KLHL5: variants seen among roughly 807,000 people sequenced by gnomAD.
The protein encoded by KLHL5 is kelch-like protein 5.
A neutral mutation model predicts 77.7 loss-of-function variants in KLHL5; 48 were observed. The observed-to-expected ratio is 0.62, with a 90% CI of 0.49 to 0.79. The LOEUF is 0.79. Ranked by LOEUF, KLHL5 falls within the 30% of genes least tolerant of loss-of-function variation. KLHL5 has a pLI of 0.00. For missense variants in KLHL5, 723 were observed against 859.7 expected, an observed-to-expected ratio of 0.84 and a Z score of 1.99; for synonymous variants, 260 against 297.0, an observed-to-expected ratio of 0.88 and a Z score of 1.28.
intron 4 of KLHL5, among the ~76,000 whole-genome samples, chr4:39,083,703 A>C (rs1719816748): frequency 1.3e-5 from 2 of 152,148 alleles, no homozygotes; most frequent in Non-Finnish European, 2.9e-5. Context: ...TTTTTTCTTC[A>C]AAATCAGTTT....
chr4:39,067,697 A>G (rs1327088903), intron 1 of KLHL5, among the ~76,000 whole-genome samples: 4 of 146,516 alleles, frequency 2.7e-5, no homozygotes, highest in Admixed American at 6.9e-5. Context: ...TTTTAGTGAG[A>G]CAAAGTCTCA....
downstream of KLHL5, among the ~76,000 whole-genome samples, chr4:39,130,055 C>T (rs900863305): frequency 5.8e-4 from 88 of 152,242 alleles, no homozygotes; most frequent in Non-Finnish European, 1.1e-3. Context: ...GAGACTAGCT[C>T]GGTCGGGGAG....
the KLHL5 span, among the ~76,000 whole-genome samples, chr4:39,136,350 C>T: frequency 7.2e-5 from 11 of 152,054 alleles, no homozygotes; most frequent in South Asian, 6.2e-4. Context: ...AGTAGAGACG[C>T]GGTTTCACCA....
chr4:39,135,462 G>T, the KLHL5 span: 117,483 of 152,206 alleles, frequency 0.77, 45,350 homozygotes, highest in East Asian at 0.83. Context: ...CCGCAGCAGA[G>T]TGCCTCTCCC....
chr4:39,093,330 G>C, intron 5 of KLHL5: 1 of 450,330 alleles, frequency 2.2e-6, no homozygotes, highest in Non-Finnish European at 4.5e-6. Context: ...ATTAGTGCTT[G>C]GGAGAGAAGA....
chr4:39,054,163 C>T (rs183260734), intron 1 of KLHL5, among the ~76,000 whole-genome samples: 107 of 152,326 alleles, frequency 7.0e-4, no homozygotes, highest in African/African-American at 2.5e-3. Flanking sequence ...TTGTCCAAGT[C>T]AACTATACTC....
chr4:39,112,140 A>G (rs1722491471), intron 8 of KLHL5, among the ~76,000 whole-genome samples: 1 of 152,184 alleles, frequency 6.6e-6, no homozygotes, highest in Non-Finnish European at 1.5e-5. Flanking sequence ...GCTTAACAAG[A>G]AATATTGTGT....
intron 7 of KLHL5, among the ~76,000 whole-genome samples, chr4:39,105,569 A>C (rs1577726743): frequency 6.6e-6 from 1 of 151,690 alleles, no homozygotes; most frequent in Non-Finnish European, 1.5e-5. Context: ...AGAGATATAC[A>C]TATATCATAA....
At chr4:39,074,166 A>G (rs1320345553) in intron 1 of KLHL5, among the ~76,000 whole-genome samples, 1 of 152,192 alleles carries the variant, frequency 6.6e-6, no homozygotes, top group African/African-American at 2.4e-5. Flanking sequence ...TAATATTCAT[A>G]GTGTACAACA....
intron 9 of KLHL5, 38 bp from the exon 10 acceptor site, chr4:39,115,121 A>T (rs770053906): frequency 1.9e-6 from 3 of 1,570,626 alleles, no homozygotes; most frequent in South Asian, 1.2e-5. Context: ...AAATATTTTA[A>T]GAATAATGTC....
intron 4 of KLHL5, among the ~76,000 whole-genome samples, chr4:39,084,896 T>G (rs1022348250): frequency 6.6e-6 from 1 of 152,180 alleles, no homozygotes; most frequent in East Asian, 1.9e-4. Flanking sequence ...TCTTTGAAAT[T>G]TTTAATGCTT....
intron 1 of KLHL5, 110 bp downstream of exon 1, chr4:39,063,145 A>T: frequency 1.5e-6 from 1 of 686,328 alleles, no homozygotes; most frequent in East Asian, 3.0e-5. Context: ...GTACATCTGC[A>T]TACATATATA....
At chr4:39,118,038 G>T (rs1488688268) in intron 10 of KLHL5, among the ~76,000 whole-genome samples, 3 of 148,504 alleles carry the variant, frequency 2.0e-5, no homozygotes, top group East Asian at 3.9e-4. Flanking sequence ...TCTAGCCTGG[G>T]TGACAGAGCG....
At chr4:39,126,384 G>A (rs1454239351), downstream of KLHL5, among the ~76,000 whole-genome samples, 4 of 152,130 alleles carry the variant, frequency 2.6e-5, no homozygotes, top group East Asian at 7.7e-4. Context: ...CACAGCCTCT[G>A]TCCTCATTCC....
chr4:39,116,514 A>T (rs989352710), intron 10 of KLHL5, among the ~76,000 whole-genome samples: 2 of 152,104 alleles, frequency 1.3e-5, no homozygotes, highest in African/African-American at 4.8e-5. Context: ...GAAAGTGGTT[A>T]TGGGGAAAGC....
intron 2 of KLHL5, among the ~76,000 whole-genome samples, chr4:39,079,084 T>G (rs146443746): frequency 6.6e-6 from 1 of 152,304 alleles, no homozygotes; most frequent in African/African-American, 2.4e-5. Flanking sequence ...CCGAATTTCA[T>G]AGAGGCACCT....
rs1221513314 is a variant in KLHL5 at position 39,124,234 on chromosome 4, C to G, written c.*3168C>G. Among the ~76,000 whole-genome samples, 1 of 152,050 alleles carries G rather than the reference C, an allele frequency of 6.6e-6. No individual in the cohort carries two copies. Among genetic ancestry groups the G allele is most frequent in the Non-Finnish European group, 1.5e-5 (1 of 67,988 alleles). On this transcript the variant is annotated 3_prime_UTR_variant, in exon 11 of 11. Transcript: ENST00000504108. ...TAACATTGTTAAGATGGCATTACTCCCAAAATTAGTCTATAGATTTAATAC... is the reference window on the plus strand; with the variant it reads ...TAACATTGTTAAGATGGCATTACTCGCAAAATTAGTCTATAGATTTAATAC...
At chr4:39,075,789 T>C (rs367709644) in intron 1 of KLHL5, among the ~76,000 whole-genome samples, 176 bp from the exon 2 acceptor site, 1 of 152,238 alleles carries the variant, frequency 6.6e-6, no homozygotes, top group Non-Finnish European at 1.5e-5. Context: ...AAGAATCATA[T>C]GACTTAAGGC....
chr4:39,109,119 A>T (rs983880356), intron 8 of KLHL5, among the ~76,000 whole-genome samples: 4 of 152,172 alleles, frequency 2.6e-5, no homozygotes, highest in African/African-American at 9.6e-5. Flanking sequence ...GTATAGTATA[A>T]CTAAAGAATC....
Sources: allele counts gnomAD v4.1 joint callset (sites outside exome capture counted in the v4.1 genomes callset), GRCh38; gene constraint gnomAD v4.1.1; transcripts MANE v1.5; gene names NCBI Gene and HGNC (gene_info 2026-07-23, HGNC 2026-07-21).